Variants in PDZD2 observed in about 807,000 individuals in gnomAD.
PDZD2 encodes the protein PDZ domain containing 2, also known as PDZ domain-containing protein 2.
A neutral mutation model predicts 220.7 loss-of-function variants in PDZD2; 90 were observed. The ratio of observed to expected loss-of-function variants is 0.41; its 90% CI spans 0.34 to 0.49. The LOEUF is 0.49. PDZD2 is among the 20% of genes least tolerant of loss of function. PDZD2 has a pLI of 0.28. For missense variants in PDZD2, 3,174 were observed against 3,608.5 expected (o/e 0.88, Z 3.08); for synonymous variants, 1,375 against 1,450.5 (o/e 0.95, Z 1.18).
At chr5:31,870,151 G>T (rs571746056) in intron 2 of PDZD2, among the ~76,000 whole-genome samples, 1 of 152,244 alleles carries the variant, frequency 6.6e-6, no homozygotes, top group Admixed American at 6.5e-5. Flanking sequence ...CTAGCTTGGG[G>T]AATTCTACTC....
intron 6 of PDZD2, among the ~76,000 whole-genome samples, chr5:32,023,792 C>T (rs1754408852): frequency 6.6e-6 from 1 of 152,232 alleles, no homozygotes; most frequent in African/African-American, 2.4e-5. Flanking sequence ...CGTAGCCCCC[C>T]TTATCCAGAG....
At chr5:31,799,815 C>A in intron 2 of PDZD2, 91 bp downstream of exon 2, 2 of 807,400 alleles carry the variant, frequency 2.5e-6, no homozygotes, top group Non-Finnish European at 4.2e-6. Flanking sequence ...ATGAATCCTG[C>A]CAATAAGAAG....
chr5:31,687,328 C>T (rs1746913869), intron 1 of PDZD2, among the ~76,000 whole-genome samples: 1 of 152,138 alleles, frequency 6.6e-6, no homozygotes, highest in African/African-American at 2.4e-5. Context: ...AAAAATAAAC[C>T]CATAGTACCT....
At chr5:31,943,823 A>G (rs1761548168) in intron 2 of PDZD2, among the ~76,000 whole-genome samples, 1 of 152,204 alleles carries the variant, frequency 6.6e-6, no homozygotes. Context: ...CTATTAGTAG[A>G]TTTCAGAGGG....
intron 1 of PDZD2, among the ~76,000 whole-genome samples, chr5:31,749,143 G>T (rs1467288804): frequency 2.0e-5 from 3 of 152,188 alleles, no homozygotes; most frequent in South Asian, 2.1e-4. Context: ...GTGAGGTAGG[G>T]CTTATTGTTT....
chr5:31,680,824 C>T (rs762874043), intron 1 of PDZD2, among the ~76,000 whole-genome samples: 117 of 152,250 alleles, frequency 7.7e-4, no homozygotes, highest in Non-Finnish European at 1.5e-3. Context: ...TGTGGGTGCA[C>T]GGAACCTCTG....
chr5:31,869,388 A>G (rs1738537699), intron 2 of PDZD2, among the ~76,000 whole-genome samples: 2 of 152,026 alleles, frequency 1.3e-5, no homozygotes, highest in Admixed American at 6.6e-5. Flanking sequence ...CCCTTGGAAC[A>G]GAAATGTATT....
At chr5:31,906,010 A>ATTTATT (rs941812203) in intron 2 of PDZD2, among the ~76,000 whole-genome samples, 3 of 148,446 alleles carry the variant, frequency 2.0e-5, no homozygotes, top group African/African-American at 7.4e-5. Flanking sequence ...TTTTATTTTT[A>ATTTATT]TTTATTTTTA....
intron 22 of PDZD2, among the ~76,000 whole-genome samples, 154 bp downstream of exon 22, chr5:32,097,534 G>C (rs1237621795): frequency 6.6e-6 from 1 of 152,192 alleles, no homozygotes; most frequent in African/African-American, 2.4e-5. Flanking sequence ...GAAGTAGTAC[G>C]TAAGGTTTTC....
At chr5:31,988,448 G>A (rs1323176499) in intron 3 of PDZD2, among the ~76,000 whole-genome samples, 1 of 145,292 alleles carries the variant, frequency 6.9e-6, no homozygotes, top group African/African-American at 2.6e-5. Flanking sequence ...GGGTGGGGGG[G>A]GTGCATCACC....
At chr5:32,086,255 G>A (rs1742437500) in intron 19 of PDZD2, among the ~76,000 whole-genome samples, 1 of 152,186 alleles carries the variant, frequency 6.6e-6, no homozygotes. Context: ...CCCAGTGTGA[G>A]CCAAACCCAC....
At chr5:32,029,189 C>T (rs1221351679) in intron 6 of PDZD2, among the ~76,000 whole-genome samples, 2 of 151,868 alleles carry the variant, frequency 1.3e-5, no homozygotes, top group African/African-American at 4.8e-5. Flanking sequence ...TAAGTGGACC[C>T]TCAATAGTAT....
intron 2 of PDZD2, among the ~76,000 whole-genome samples, chr5:31,961,649 T>C (rs1748240969): frequency 6.6e-6 from 1 of 152,146 alleles, no homozygotes; most frequent in Non-Finnish European, 1.5e-5. Context: ...TTTGTTTTGT[T>C]TGTTTGTTTT....
chr5:32,090,410 A>G lies in PDZD2; in HGVS notation c.6962A>G (p.Tyr2321Cys). 3 of 1,614,170 alleles carry G rather than the reference A, an allele frequency of 1.9e-6. No individual in the cohort carries two copies. The highest frequency in any genetic ancestry group is 1.7e-6 in the Non-Finnish European group (2 of 1,180,020). The change falls in exon 20 of 25, where the codon TAT becomes TGT. Residue 2321 changes from tyrosine (Y) to cysteine (C), a missense_variant. By Grantham distance (194) the Tyr-to-Cys change is radical. Transcript: ENST00000438447. The surrounding 1 kb of genome is among the most constrained non-coding windows in gnomAD (Gnocchi z 4.3). ...KIKVTRRHYC[Y>C]EQNWPHESTS... ...AAAGTCACCAGACGACACTACTGCTATGAGCAGAACTGGCCCCATGAATCT... is the reference window on the plus strand; with the variant it reads ...AAAGTCACCAGACGACACTACTGCTGTGAGCAGAACTGGCCCCATGAATCT...
At chr5:32,069,919 ATG>A in intron 15 of PDZD2, among the ~76,000 whole-genome samples, 1 of 152,338 alleles carries the variant, frequency 6.6e-6, no homozygotes, top group South Asian at 2.1e-4. Flanking sequence ...GCATGTATAT[ATG>A]CTTGATTCAT....
At chr5:31,810,030 A>G (rs1169717664) in intron 2 of PDZD2, among the ~76,000 whole-genome samples, 1 of 152,214 alleles carries the variant, frequency 6.6e-6, no homozygotes, top group Non-Finnish European at 1.5e-5. Context: ...GGGAATTGTA[A>G]TGGTAATTGT....
At chr5:31,849,949 CATATATATATATACACATATA>C (rs1757871644) in intron 2 of PDZD2, among the ~76,000 whole-genome samples, 2 of 20,454 alleles carry the variant, frequency 9.8e-5, no homozygotes, top group Non-Finnish European at 1.6e-4. Flanking sequence ...TATATATATA[CATATATATATATACACATATA>C]TATATATACA....
chr5:32,106,979 CATA>C (rs1441205493), intron 24 of PDZD2, among the ~76,000 whole-genome samples: 1 of 152,130 alleles, frequency 6.6e-6, no homozygotes, highest in Non-Finnish European at 1.5e-5. Flanking sequence ...ATTTTTATCA[CATA>C]ATATTTATTT....
intron 8 of PDZD2, among the ~76,000 whole-genome samples, chr5:32,048,950 G>A (rs1738244866): frequency 6.6e-6 from 1 of 152,184 alleles, no homozygotes; most frequent in Non-Finnish European, 1.5e-5. Flanking sequence ...TCAATTGCCA[G>A]GAGACGATGG....
Sources: allele counts gnomAD v4.1 joint callset (sites outside exome capture counted in the v4.1 genomes callset), GRCh38; gene constraint gnomAD v4.1.1; non-coding constraint Gnocchi (gnomAD v3.1); transcripts MANE v1.5; gene names NCBI Gene and HGNC (gene_info 2026-07-23, HGNC 2026-07-21).